Variants in PLEKHS1 observed in about 807,000 individuals in gnomAD.
The protein encoded by PLEKHS1 is pleckstrin homology domain containing S1.
In PLEKHS1, 55 loss-of-function variants were observed where a neutral mutation model predicts 51.0. The ratio of observed to expected loss-of-function variants is 1.08; its 90% CI spans 0.87 to 1.35. The LOEUF is 1.35. Ranked by LOEUF, PLEKHS1 falls within the 40% of genes most tolerant of loss-of-function variation. The pLI is 0.00. For synonymous variants in PLEKHS1, 153 were observed against 144.8 expected, an observed-to-expected ratio of 1.06 and a Z score of -0.41; for missense variants, 398 against 423.0, an observed-to-expected ratio of 0.94 and a Z score of 0.52.
At chr10:113,767,660 G>A (rs1252578170) in intron 5 of PLEKHS1, among the ~76,000 whole-genome samples, 181 bp downstream of exon 5, 1 of 152,150 alleles carries the variant, frequency 6.6e-6, no homozygotes, top group Non-Finnish European at 1.5e-5. Flanking sequence ...GTTTCCTAGG[G>A]CTGCTATAAC....
intron 8 of PLEKHS1, among the ~76,000 whole-genome samples, chr10:113,773,383 A>C (rs1303138982): frequency 6.6e-6 from 1 of 152,204 alleles, no homozygotes; most frequent in African/African-American, 2.4e-5. Flanking sequence ...ACTTTATGAT[A>C]AGTAAAGTCT....
In PLEKHS1 at chr10:113,771,686, A is replaced by C. The variant is rs903695849; in HGVS notation, c.553-284A>C. Among the ~76,000 whole-genome samples, 12 of 151,338 alleles carry C rather than the reference A, an allele frequency of 7.9e-5. 1 individual carries two copies. Among genetic ancestry groups the C allele is most frequent in the Non-Finnish European group, 1.8e-4 (12 of 67,796 alleles). On this transcript the variant is annotated intron_variant, in intron 7 of 11. Transcript: ENST00000361048. ...TGAGACTCTGTCTCAAAAAAAAAAA[A>C]AAAAAAAAAGAATACCACCCACAGG...
At chr10:113,761,104 T>C (rs1178454945) in intron 2 of PLEKHS1, among the ~76,000 whole-genome samples, 1 of 152,200 alleles carries the variant, frequency 6.6e-6, no homozygotes, top group Non-Finnish European at 1.5e-5. Flanking sequence ...TGTATGGGTT[T>C]GTTTCTGGAC....
chr10:113,758,345 A>G (rs929244997), intron 2 of PLEKHS1, among the ~76,000 whole-genome samples: 14 of 152,236 alleles, frequency 9.2e-5, no homozygotes, highest in South Asian at 6.2e-4. Context: ...AGGCATGTAA[A>G]CAGCATTAGT....
chr10:113,756,804 G>A (rs1407402551), intron 2 of PLEKHS1, among the ~76,000 whole-genome samples: 1 of 152,174 alleles, frequency 6.6e-6, no homozygotes, highest in African/African-American at 2.4e-5. Context: ...GGATGAGGCT[G>A]CAGAAAGGTG....
exon 12 of PLEKHS1, chr10:113,780,640 G>C (rs375920460): frequency 1.9e-6 from 3 of 1,613,798 alleles, no homozygotes; most frequent in Non-Finnish European, 2.5e-6. Flanking sequence ...CAAATTCAGA[G>C]ACATTCCATG....
chr10:113,763,107 T>C (rs141487029), intron 2 of PLEKHS1, among the ~76,000 whole-genome samples: 78 of 152,286 alleles, frequency 5.1e-4, no homozygotes, highest in African/African-American at 1.8e-3. Context: ...TTTTGCTTCA[T>C]GTATTTTGAA....
At chr10:113,769,956 A>G (rs539278050) in intron 7 of PLEKHS1, 56 bp downstream of exon 7, 1 of 1,248,776 alleles carries the variant, frequency 8.0e-7, no homozygotes, top group East Asian at 2.3e-5. Flanking sequence ...GCTAATGCCT[A>G]AAAATCTTAC....
intron 2 of PLEKHS1, among the ~76,000 whole-genome samples, chr10:113,761,068 C>A (rs1303580946): frequency 6.6e-6 from 1 of 152,146 alleles, no homozygotes; most frequent in African/African-American, 2.4e-5. Context: ...ACTGTTCTCT[C>A]CCCATTGAAT....
rs767048506 is a variant in PLEKHS1 at position 113,774,959 on chromosome 10, G to C, written c.913G>C (p.Asp305His). The C allele has an allele frequency of 1.2e-6, 2 of 1,614,174 alleles. No homozygotes were observed. Among genetic ancestry groups the C allele is most frequent in the South Asian group, 1.1e-5 (1 of 91,074 alleles). Residue 305 changes from aspartate to histidine, a missense_variant, in exon 10 of 12, where the codon GAT becomes CAT. Physicochemically the swap from Asp to His is moderately conservative, Grantham distance 81. Coordinates refer to ENST00000361048, the Ensembl canonical transcript of PLEKHS1. ...AATTGATTGGTGTCTTTCCCCTGCC[G>C]ATGTGGAAGCACAGACCACAAATGA...
At chr10:113,779,441 G>T (rs1171396661) in intron 11 of PLEKHS1, among the ~76,000 whole-genome samples, 1 of 152,104 alleles carries the variant, frequency 6.6e-6, no homozygotes, top group East Asian at 1.9e-4. Flanking sequence ...ATGGTGGCGG[G>T]TGCCTGTTAT....
chr10:113,764,805 T>C (rs2134508784), intron 2 of PLEKHS1: 1 of 152,606 alleles, frequency 6.6e-6, no homozygotes, highest in South Asian at 2.1e-4. Context: ...TTTATGTTGT[T>C]AGTTACAGTT....
chr10:113,771,630 G>A (rs537035386), intron 7 of PLEKHS1, among the ~76,000 whole-genome samples: 28 of 146,302 alleles, frequency 1.9e-4, no homozygotes, highest in Middle Eastern at 7.6e-3. Flanking sequence ...AGCCGAGATC[G>A]CGCCACTGCA....
At position 113,766,451 on chromosome 10, in the gene PLEKHS1, AC is replaced by A. The variant is rs1263814912; in HGVS notation, c.70del (p.Gln24LysfsTer16). ...TTTCTTATGAAAATGAAGTCTGCAA[AC>A]AAGATTACTTTATTAAATCACCACC... On this transcript the variant is annotated frameshift_variant, in exon 3 of 12. Transcript: ENST00000361048. LOFTEE classifies it high-confidence loss of function. The A allele has an allele frequency of 6.2e-7, 1 of 1,602,260 alleles. No homozygotes were observed. Among genetic ancestry groups the A allele is most frequent in the East Asian group, 2.2e-5 (1 of 44,828 alleles).
intron 11 of PLEKHS1, chr10:113,777,613 T>C: frequency 6.5e-7 from 1 of 1,545,308 alleles, no homozygotes; most frequent in Middle Eastern, 1.7e-4. Flanking sequence ...TGACTAATGA[T>C]GGTGCTGGTT....
chr10:113,759,544 T>C (rs1201981862), intron 2 of PLEKHS1, among the ~76,000 whole-genome samples: 1 of 152,234 alleles, frequency 6.6e-6, no homozygotes, highest in Admixed American at 6.5e-5. Flanking sequence ...TACACCCTTT[T>C]GTCTGACTTT....
exon 6 of PLEKHS1, chr10:113,768,870 G>A (rs780446866): frequency 1.2e-6 from 2 of 1,613,240 alleles, no homozygotes; most frequent in African/African-American, 1.3e-5. Flanking sequence ...GGATATAAAA[G>A]CAACACAGCA....
At chr10:113,776,138 G>A (rs1844647076) in intron 11 of PLEKHS1, among the ~76,000 whole-genome samples, 1 of 152,206 alleles carries the variant, frequency 6.6e-6, no homozygotes, top group Admixed American at 6.5e-5. Context: ...GGAGGAAGAA[G>A]GGGCTGGGAT....
intron 2 of PLEKHS1, among the ~76,000 whole-genome samples, chr10:113,762,687 T>A (rs1397382589): frequency 6.6e-6 from 1 of 152,022 alleles, no homozygotes; most frequent in African/African-American, 2.4e-5. Context: ...TTTATATGAT[T>A]TGAATGCTTT....
Sources: gnomAD v4.1 joint callset for allele counts (sites outside exome capture counted in the v4.1 genomes callset) on GRCh38, gnomAD v4.1.1 for gene constraint, MANE v1.5 for transcripts, NCBI Gene and HGNC (gene_info 2026-07-23, HGNC 2026-07-21) for gene names.